Variants in GRIN2B observed in about 807,000 individuals in gnomAD.
GRIN2B encodes the protein glutamate ionotropic receptor NMDA type subunit 2B, also known as glutamate receptor ionotropic, NMDA 2B.
In GRIN2B, 5 loss-of-function variants were observed where a neutral mutation model predicts 114.5. The ratio of observed to expected loss-of-function variants is 0.04; its 90% CI spans 0.02 to 0.09. The LOEUF is 0.09. Ranked by LOEUF, GRIN2B falls within the 10% of genes least tolerant of loss-of-function variation. The pLI, the probability that GRIN2B is intolerant of heterozygous loss-of-function variation, is 1.00. For synonymous variants in GRIN2B, 787 were observed against 745.1 expected (o/e 1.06, Z -0.92); for missense variants, 1,108 against 1,943.5 (o/e 0.57, Z 8.08).
chr12:13,927,956 G>A (rs1176426171), intron 2 of GRIN2B, among the ~76,000 whole-genome samples: 1 of 24,602 alleles, frequency 4.1e-5, no homozygotes, highest in Admixed American at 9.3e-4. Context: ...AACAGAGCAA[G>A]ACCCTGTCTC....
At chr12:13,723,410 C>T (rs1214532937) in intron 4 of GRIN2B, among the ~76,000 whole-genome samples, 3 of 151,722 alleles carry the variant, frequency 2.0e-5, no homozygotes, top group Non-Finnish European at 4.4e-5. Flanking sequence ...GATAATGTAC[C>T]CTTGTATCAA....
rs1565524573 is a variant in GRIN2B at position 13,753,284 on chromosome 12, C to T, written c.1010+33G>A. ...AGTCTTTGAAGCTCCCCTCTCATCT[C>T]CACCATCAATGTGCCCTCTGTTCCA... On this transcript the variant is annotated intron_variant, in intron 4 of 13. Transcript: ENST00000609686. This position sits in a 1 kb window ranked among gnomAD's most constrained non-coding sequence, Gnocchi z 6.2. 1 of 1,222,168 alleles carries T rather than the reference C, an allele frequency of 8.2e-7. No individual in the cohort carries two copies. The highest frequency in any genetic ancestry group is 2.3e-5 in the East Asian group (1 of 43,098). The allele number at this position is 1,222,168 out of a possible 1,614,324, so 75.7% of individuals were successfully genotyped here.
At chr12:13,916,780 G>T (rs190789797) in intron 2 of GRIN2B, among the ~76,000 whole-genome samples, 1 of 128,818 alleles carries the variant, frequency 7.8e-6, no homozygotes, top group Non-Finnish European at 1.7e-5. Context: ...CTCAATGTAC[G>T]CCAGGATGAC....
At chr12:13,795,356 C>A (rs1864400255) in intron 3 of GRIN2B, among the ~76,000 whole-genome samples, 1 of 148,702 alleles carries the variant, frequency 6.7e-6, no homozygotes, top group African/African-American at 2.5e-5. Flanking sequence ...AGAGAAGGAA[C>A]TCAGGTTGAT....
At chr12:13,663,945 AT>A (rs1275654363) in intron 5 of GRIN2B, among the ~76,000 whole-genome samples, 1 of 152,234 alleles carries the variant, frequency 6.6e-6, no homozygotes, top group Non-Finnish European at 1.5e-5. Context: ...ATGAATTATA[AT>A]TTTAGTTTTA....
chr12:13,567,004 C>T lies in GRIN2B; in HGVS notation c.2598+21G>A, dbSNP rs749181730. The stretch of plus-strand genomic sequence containing the variant: ...TAAGCTGTCCCTAACAAGCTTTAGG[C>T]ATTTAAATCAAAACACTTACTCTGC... On this transcript the variant is annotated intron_variant, in intron 13 of 13. Coordinates refer to ENST00000609686, the MANE Select transcript of GRIN2B (RefSeq NM_000834.5). The T allele has an allele frequency of 5.9e-6, 9 of 1,515,000 alleles. No individual in the cohort carries two copies. The African/African-American group carries it at 1.2e-4, about 21-fold the overall frequency. 93.8% of individuals were successfully genotyped at this position (1,515,000 alleles called of 1,614,324 possible). A position where few individuals can be genotyped will look rare whatever the true frequency, so the allele number is the denominator to read the frequency against.
intron 2 of GRIN2B, among the ~76,000 whole-genome samples, chr12:13,939,229 T>A (rs910711035): frequency 1.3e-5 from 2 of 152,210 alleles, no homozygotes; most frequent in African/African-American, 2.4e-5. Flanking sequence ...ATTCTTGATA[T>A]GGTTTGGATG....
At chr12:13,617,038 C>T (rs997659726) in intron 5 of GRIN2B, among the ~76,000 whole-genome samples, 1 of 152,082 alleles carries the variant, frequency 6.6e-6, no homozygotes, top group African/African-American at 2.4e-5. Flanking sequence ...TGCTGGAGTT[C>T]CCGCATTATG....
chr12:13,827,229 C>CTTTTTTTTTTT lies in GRIN2B; in HGVS notation c.411+38558_411+38568dup, dbSNP rs57007962. ...TTATAATGTGCCTTATTGTTGTTTTCTTTTTTTTTTTTTTTTGAGTTTGGG... is the reference window on the plus strand; with the variant it reads ...TTATAATGTGCCTTATTGTTGTTTTCTTTTTTTTTTTTTTTTTTTTTTTTTTTGAGTTTGGG... On this transcript the variant is annotated intron_variant, in intron 3 of 13. Transcript: ENST00000609686. Among the ~76,000 whole-genome samples, 80 of 98,582 alleles carry CTTTTTTTTTTT rather than the reference C, an allele frequency of 8.1e-4. 1 individual carries two copies. Among genetic ancestry groups the CTTTTTTTTTTT allele is most frequent in the Admixed American group, 1.1e-3 (11 of 9,602 alleles). The allele number at this position is 98,582 out of a possible 152,430, so 64.7% of individuals were successfully genotyped here. A position where few individuals can be genotyped will look rare whatever the true frequency, so the allele number is the denominator to read the frequency against.
chr12:13,860,542 C>T lies in GRIN2B; in HGVS notation c.411+5256G>A, dbSNP rs576730447. 2.0e-5 allele frequency among the ~76,000 whole-genome samples: 3 copies of T among 152,234 alleles called. No individual in the cohort carries two copies. In the South Asian group the frequency reaches 6.2e-4, roughly 32 times the overall value. Reference sequence around the variant, plus strand: ...GTTTCACCATGTTGGCCAGAATGGTCTCGAACTCCTTACTTAGGGTGATCT... The same window carrying T: ...GTTTCACCATGTTGGCCAGAATGGTTTCGAACTCCTTACTTAGGGTGATCT... On this transcript the variant is annotated intron_variant, in intron 3 of 13. Transcript: ENST00000609686.
chr12:13,940,284 G>C (rs1028539331), intron 2 of GRIN2B, among the ~76,000 whole-genome samples: 4 of 152,126 alleles, frequency 2.6e-5, no homozygotes, highest in African/African-American at 9.7e-5. Context: ...ATTTTGATGG[G>C]CTTTACCTCA....
chr12:13,716,968 A>G (rs1950460629), intron 4 of GRIN2B, among the ~76,000 whole-genome samples: 1 of 151,972 alleles, frequency 6.6e-6, no homozygotes. Flanking sequence ...CAAACCCAGA[A>G]AATAAGAACG....
intron 2 of GRIN2B, among the ~76,000 whole-genome samples, chr12:13,974,137 A>C (rs914208460): frequency 6.6e-6 from 1 of 152,220 alleles, no homozygotes; most frequent in Non-Finnish European, 1.5e-5. Flanking sequence ...CTACTCCAGA[A>C]ACACATGGGC....
Position 13,563,549 on chromosome 12 carries a change from G to A in GRIN2B, c.3689C>T (p.Thr1230Met), listed in dbSNP as rs1263518250. The A allele has an allele frequency of 6.2e-7, 1 of 1,614,068 alleles. No individual in the cohort carries two copies. Among genetic ancestry groups the A allele is most frequent in the South Asian group, 1.1e-5 (1 of 91,082 alleles). ...SKLHNYSTTV[T>M]GQNSGRQACI... ...CGCCTGCCTGCCCGAGTTCTGACCC[G>A]TCACCGTCGTGGAGTAGTTGTGCAG... The change falls in exon 14 of 14, where the codon ACG becomes ATG. Residue 1230 changes from threonine to methionine, a missense_variant. Around this residue, in one of 19 missense-constraint regions of GRIN2B, gnomAD observed 478 missense variants for 506.0 expected, o/e 0.94. Transcript: ENST00000609686.
chr12:13,576,357 A>T (rs1293379184), intron 10 of GRIN2B, among the ~76,000 whole-genome samples: 1 of 152,090 alleles, frequency 6.6e-6, no homozygotes, highest in Non-Finnish European at 1.5e-5. Context: ...GCAATTTGGG[A>T]ACGAGAAAAA....
intron 3 of GRIN2B, among the ~76,000 whole-genome samples, chr12:13,811,577 C>A (rs1864731550): frequency 6.6e-6 from 1 of 152,202 alleles, no homozygotes; most frequent in Non-Finnish European, 1.5e-5. Flanking sequence ...GAGACCCTGT[C>A]TTTTAAATAA....
At chr12:13,649,416 C>T (rs2136514993) in intron 5 of GRIN2B, among the ~76,000 whole-genome samples, 1 of 152,126 alleles carries the variant, frequency 6.6e-6, no homozygotes, top group East Asian at 1.9e-4. Flanking sequence ...CCTATGAGCA[C>T]TTCCACAAGA....
intron 10 of GRIN2B, among the ~76,000 whole-genome samples, chr12:13,582,189 A>G (rs886176833): frequency 6.6e-6 from 1 of 152,222 alleles, no homozygotes; most frequent in African/African-American, 2.4e-5. Context: ...GTGACAGATT[A>G]GAAAGTTAAA....
In GRIN2B at chr12:13,557,363, C is replaced by A. The variant is rs2136394882; in HGVS notation, c.*5420G>T. ...GCTCTTTTACCAGATAACAGGGCAC[C>A]CCCTATGGAGGTGGAAAGTATAGGA... On this transcript the variant is annotated 3_prime_UTR_variant, in exon 14 of 14. Coordinates refer to ENST00000609686, the MANE Select transcript of GRIN2B (RefSeq NM_000834.5). 1 of 152,232 alleles carries A rather than the reference C, an allele frequency of 6.6e-6. No homozygotes were observed. Among genetic ancestry groups the A allele is most frequent in the South Asian group, 2.1e-4 (1 of 4,824 alleles). The allele number at this position is 152,232 out of a possible 1,614,324, so 9.4% of individuals were successfully genotyped here.
Sources: allele counts gnomAD v4.1 joint callset (sites outside exome capture counted in the v4.1 genomes callset), GRCh38; gene constraint gnomAD v4.1.1; regional missense constraint gnomAD v4.1.1; non-coding constraint Gnocchi (gnomAD v3.1); transcripts MANE v1.5; gene names NCBI Gene and HGNC (gene_info 2026-07-23, HGNC 2026-07-21).